Variants in AGAP1 observed in about 807,000 individuals in gnomAD.
AGAP1 encodes arf-GAP with GTPase, ANK repeat and PH domain-containing protein 1.
Under a neutral mutation model 105.3 loss-of-function variants are expected in AGAP1, and 29 were observed. The ratio of observed to expected loss-of-function variants is 0.28; its 90% CI spans 0.21 to 0.38. The LOEUF is 0.38. Among genes scored for constraint, AGAP1 ranks in the 10% least tolerant of loss-of-function variants. The probability of loss-of-function intolerance (pLI) is 1.00; values close to 1 mark genes in which losing one functional copy is unlikely to be tolerated. For synonymous variants in AGAP1, 509 were observed against 485.9 expected, an observed-to-expected ratio of 1.05 and a Z score of -0.63; for missense variants, 998 against 1,165.1, an observed-to-expected ratio of 0.86 and a Z score of 2.09.
rs569458574 is a variant in AGAP1 at position 235,611,927 on chromosome 2, G to A, written c.164-97252G>A. On this transcript the variant is annotated intron_variant, in intron 1 of 17. Transcript: ENST00000304032. This position sits in a 1 kb window ranked among gnomAD's most constrained non-coding sequence, Gnocchi z 5.0. Reference sequence around the variant, plus strand: ...TGCTGTTTGGCATGCTTGTGGGCACGGTTTAAGGGTTGAGACCACATCCTA... The same window carrying A: ...TGCTGTTTGGCATGCTTGTGGGCACAGTTTAAGGGTTGAGACCACATCCTA... 7.0e-4 allele frequency among the ~76,000 whole-genome samples: 107 copies of A among 152,256 alleles called. No homozygotes were observed. Among genetic ancestry groups the A allele is most frequent in the African/African-American group, 2.5e-3 (104 of 41,544 alleles).
rs1020248393 is a variant in AGAP1 at position 236,021,119 on chromosome 2, T to C, written c.1646-15442T>C. On this transcript the variant is annotated intron_variant, in intron 13 of 17. Transcript: ENST00000304032. ...AGGCAGAGGTTGCAGTGAGCCAAGA[T>C]CGTGCCACTACACTCCAACCTGGGC... Among the ~76,000 whole-genome samples, 3 of 146,368 alleles carry C rather than the reference T, an allele frequency of 2.0e-5. No individual in the cohort carries two copies. In the East Asian group the frequency reaches 6.0e-4, roughly 29 times the overall value.
chr2:235,678,655 CAG>C (rs1421101209), intron 1 of AGAP1, among the ~76,000 whole-genome samples: 5 of 152,130 alleles, frequency 3.3e-5, no homozygotes, highest in African/African-American at 4.8e-5. Context: ...GGTCTTCTCT[CAG>C]GGGGTAGTTT....
At chr2:236,015,187 GGCACTCAGTGT>G (rs2056654570) in intron 13 of AGAP1, among the ~76,000 whole-genome samples, 2 of 152,100 alleles carry the variant, frequency 1.3e-5, no homozygotes, top group East Asian at 3.9e-4. Flanking sequence ...TATACATGTG[GGCACTCAGTGT>G]AATATTTCCC....
rs982723809 is a variant in AGAP1, at chr2:235,578,329, G to T, written c.163+83480G>T. On this transcript the variant is annotated intron_variant, in intron 1 of 17. Transcript: ENST00000304032. This position sits in a 1 kb window ranked among gnomAD's most constrained non-coding sequence, Gnocchi z 4.9. ...CTACAACCTAAGAACCACAATGCCTGTTCCCCTTACCTGCCCCCAGGTGTC... is the reference window on the plus strand; with the variant it reads ...CTACAACCTAAGAACCACAATGCCTTTTCCCCTTACCTGCCCCCAGGTGTC... Among the ~76,000 whole-genome samples the T allele has an allele frequency of 2.6e-5, 4 of 152,150 alleles. No individual in the cohort carries two copies. The highest frequency in any genetic ancestry group is 4.4e-5 in the Non-Finnish European group (3 of 68,034).
intron 1 of AGAP1, among the ~76,000 whole-genome samples, chr2:235,495,969 G>T (rs1941301909): frequency 6.6e-6 from 1 of 152,238 alleles, no homozygotes; most frequent in Non-Finnish European, 1.5e-5. Flanking sequence ...GCAGGAATGT[G>T]CCTGAAAGCC....
At chr2:235,683,542 T>C (rs1051945591) in intron 1 of AGAP1, among the ~76,000 whole-genome samples, 2 of 151,180 alleles carry the variant, frequency 1.3e-5, no homozygotes, top group African/African-American at 4.8e-5. Context: ...AGTTTAGTTA[T>C]TTTAATATTT....
intron 16 of AGAP1, among the ~76,000 whole-genome samples, chr2:236,093,377 G>A (rs570529937): frequency 1.3e-5 from 2 of 152,338 alleles, no homozygotes; most frequent in South Asian, 4.1e-4. Flanking sequence ...TTTAGCCACA[G>A]ACTCAGACAG....
At position 235,726,729 on chromosome 2, in the gene AGAP1, G is replaced by A. The variant is rs76742027; in HGVS notation, c.310+9085G>A. On this transcript the variant is annotated intron_variant, in intron 3 of 17. Transcript: ENST00000304032. Reference sequence around the variant, plus strand: ...GTCTGGAAGCCCCGGGGCCATGCTCGCTGTGTTAGTCAATGCTCTTTTGGT... The same window carrying A: ...GTCTGGAAGCCCCGGGGCCATGCTCACTGTGTTAGTCAATGCTCTTTTGGT... Among the ~76,000 whole-genome samples, 974 of 152,212 alleles carry A rather than the reference G, an allele frequency of 6.4e-3. 17 individuals carry two copies. The highest frequency in any genetic ancestry group is 0.022 in the African/African-American group (928 of 41,522).
chr2:235,759,929 G>A (rs1954295687), intron 6 of AGAP1, among the ~76,000 whole-genome samples: 1 of 152,074 alleles, frequency 6.6e-6, no homozygotes, highest in Admixed American at 6.6e-5. Flanking sequence ...CCAACAAAAT[G>A]AAAAATACTT....
At chr2:235,857,222 C>G (rs560484219) in intron 9 of AGAP1, among the ~76,000 whole-genome samples, 52 of 152,294 alleles carry the variant, frequency 3.4e-4, no homozygotes, top group African/African-American at 1.2e-3. Flanking sequence ...TAGATTCTCA[C>G]AGAAGTGCGA....
At position 235,872,674 on chromosome 2, in the gene AGAP1, A is replaced by G. The variant is rs2049504146; in HGVS notation, c.1051-10671A>G. Among the ~76,000 whole-genome samples the G allele has an allele frequency of 6.6e-6, 1 of 152,170 alleles. No individual in the cohort carries two copies. Among genetic ancestry groups the G allele is most frequent in the Non-Finnish European group, 1.5e-5 (1 of 68,024 alleles). ...GTAGGAAGTGTGAAAGTTCGGACTG[A>G]TTGAACATAGAGGAGGCTGTCTGCG... is the stretch of plus-strand genomic sequence containing the variant. On this transcript the variant is annotated intron_variant, in intron 9 of 17. Coordinates refer to ENST00000304032, the MANE Select transcript of AGAP1 (RefSeq NM_001037131.3). This position sits in a 1 kb window ranked among gnomAD's most constrained non-coding sequence, Gnocchi z 4.5.
intron 1 of AGAP1, among the ~76,000 whole-genome samples, chr2:235,511,851 G>A (rs62191520): frequency 2.1e-5 from 3 of 145,684 alleles, no homozygotes; most frequent in East Asian, 2.1e-4. Flanking sequence ...TATGAGTGTG[G>A]ATGTGTGTGA....
rs1172393048 is a variant in AGAP1 at position 235,746,377 on chromosome 2, C to CTTTTTTTTTTTTTTTTTTTTTTTTTT, written c.538+1547_538+1572dup. ...GCTTCCTGGAGAGCACCTCCCCCAA[C>CTTTTTTTTTTTTTTTTTTTTTTTTTT]TTTTTTTTTTTTTTTTTTTTTTTTT... On this transcript the variant is annotated intron_variant, in intron 5 of 17. Transcript: ENST00000304032. Among the ~76,000 whole-genome samples the CTTTTTTTTTTTTTTTTTTTTTTTTTT allele has an allele frequency of 1.1e-4, 6 of 55,562 alleles. 1 individual carries two copies. The highest frequency in any genetic ancestry group is 5.8e-4 in the East Asian group (1 of 1,710). 36.5% of individuals were successfully genotyped at this position (55,562 alleles called of 152,430 possible).
In AGAP1 at chr2:235,799,218, A is replaced by C. The variant is rs185420850; in HGVS notation, c.802-149A>C. 1.6e-3 allele frequency: 1,278 copies of C among 793,630 alleles called. 16 individuals carry two copies. In the African/African-American group the frequency reaches 0.02, roughly 13 times the overall value. 49.2% of individuals were successfully genotyped at this position (793,630 alleles called of 1,614,324 possible). ...GACTCTGTAGACATGACACTAATAC[A>C]CCTGGCAAAGCCATAGACGCAAGTC... is the stretch of plus-strand genomic sequence containing the variant. On this transcript the variant is annotated intron_variant, in intron 7 of 17. Transcript: ENST00000304032. This position sits in a 1 kb window ranked among gnomAD's most constrained non-coding sequence, Gnocchi z 5.0.
At chr2:235,802,119 T>C (rs1457711620) in intron 8 of AGAP1, among the ~76,000 whole-genome samples, 6 of 152,058 alleles carry the variant, frequency 3.9e-5, no homozygotes, top group Non-Finnish European at 8.8e-5. Context: ...CTGGTTTTGC[T>C]CAGTGTCTAG....
intron 16 of AGAP1, among the ~76,000 whole-genome samples, chr2:236,084,016 G>A (rs2058856078): frequency 6.6e-6 from 1 of 152,232 alleles, no homozygotes; most frequent in African/African-American, 2.4e-5. Flanking sequence ...GTGGCAGGTG[G>A]AAGAAAAGGT....
At position 235,887,904 on chromosome 2, in the gene AGAP1, C is replaced by T. The variant is rs4663627; in HGVS notation, c.1155+4455C>T. On this transcript the variant is annotated intron_variant, in intron 10 of 17. Coordinates refer to ENST00000304032, the MANE Select transcript of AGAP1 (RefSeq NM_001037131.3). This position sits in a 1 kb window ranked among gnomAD's most constrained non-coding sequence, Gnocchi z 4.1. Reference sequence around the variant, plus strand: ...GCGCCAGGCTTGCAGTTGTATTAAACGTGGAAGATTCAGACAGAGATGAGA... The same window carrying T: ...GCGCCAGGCTTGCAGTTGTATTAAATGTGGAAGATTCAGACAGAGATGAGA... Among the ~76,000 whole-genome samples the T allele has an allele frequency of 0.34, 52,118 of 151,992 alleles. 9,907 individuals carry two copies. The highest frequency in any genetic ancestry group is 0.64 in the South Asian group (3,058 of 4,804).
intron 11 of AGAP1, among the ~76,000 whole-genome samples, chr2:235,923,090 AG>A (rs1329263362): frequency 1.3e-5 from 2 of 152,196 alleles, no homozygotes; most frequent in Admixed American, 6.5e-5. Context: ...GCTGATCCGT[AG>A]ATGGGGTATT....
At chr2:235,784,008 A>G (rs1292484260) in intron 6 of AGAP1, among the ~76,000 whole-genome samples, 4 of 152,188 alleles carry the variant, frequency 2.6e-5, no homozygotes, top group African/African-American at 9.7e-5. Flanking sequence ...ATGGGTGGAT[A>G]GATATATAAT....
Sources: gnomAD v4.1 joint callset for allele counts (sites outside exome capture counted in the v4.1 genomes callset) on GRCh38, gnomAD v4.1.1 for gene constraint, Gnocchi (gnomAD v3.1) non-coding constraint, MANE v1.5 for transcripts, NCBI Gene and HGNC (gene_info 2026-07-23, HGNC 2026-07-21) for gene names.